Variants in ABHD17C observed in about 807,000 individuals in gnomAD.
ABHD17C encodes alpha/beta hydrolase domain-containing protein 17C.
In ABHD17C, 11 loss-of-function variants were observed where a neutral mutation model predicts 27.9. The ratio of observed to expected loss-of-function variants is 0.39; its 90% CI spans 0.25 to 0.65. The LOEUF (loss-of-function observed/expected upper bound fraction) is 0.65. Among genes scored for constraint, ABHD17C ranks in the 30% least tolerant of loss-of-function variants. The probability of loss-of-function intolerance (pLI) is 0.45; values close to 1 mark genes in which losing one functional copy is unlikely to be tolerated. For missense variants in ABHD17C, 280 were observed against 470.2 expected, an observed-to-expected ratio of 0.60 and a Z score of 3.74; for synonymous variants, 233 against 209.1, an observed-to-expected ratio of 1.11 and a Z score of -0.98.
At chr15:80,707,562 G>GCC (rs35340795) in intron 1 of ABHD17C, among the ~76,000 whole-genome samples, 18 of 150,874 alleles carry the variant, frequency 1.2e-4, no homozygotes, top group South Asian at 2.1e-4. Flanking sequence ...TAGCTGATGA[G>GCC]CCCCCCCTCA....
At chr15:80,750,294 C>T (rs1425640046) in intron 2 of ABHD17C, among the ~76,000 whole-genome samples, 1 of 152,120 alleles carries the variant, frequency 6.6e-6, no homozygotes, top group African/African-American at 2.4e-5. Flanking sequence ...ACTCACCTGC[C>T]ACCCCCTATT....
At chr15:80,751,441 A>G (rs531611287) in intron 2 of ABHD17C, among the ~76,000 whole-genome samples, 4 of 152,304 alleles carry the variant, frequency 2.6e-5, no homozygotes, top group South Asian at 4.1e-4. Context: ...AATTTATTGA[A>G]TTAAGGTCGG....
chr15:80,736,251 C>T (rs1484037200), intron 1 of ABHD17C, among the ~76,000 whole-genome samples: 1 of 152,154 alleles, frequency 6.6e-6, no homozygotes, highest in Non-Finnish European at 1.5e-5. Context: ...AAAAAATTTT[C>T]CAAATCTACA....
intron 1 of ABHD17C, among the ~76,000 whole-genome samples, chr15:80,725,187 G>A (rs1426721696): frequency 3.9e-5 from 6 of 152,254 alleles, no homozygotes; most frequent in Admixed American, 2.0e-4. Context: ...ATATAACAAC[G>A]AATACAACCT....
chr15:80,731,514 G>T (rs1347412836), intron 1 of ABHD17C, among the ~76,000 whole-genome samples: 2 of 151,094 alleles, frequency 1.3e-5, no homozygotes, highest in Non-Finnish European at 3.0e-5. Flanking sequence ...TCCCAGGTTT[G>T]TCATTGCCAC....
At chr15:80,715,846 T>C (rs1002629899) in intron 1 of ABHD17C, among the ~76,000 whole-genome samples, 6 of 152,214 alleles carry the variant, frequency 3.9e-5, no homozygotes, top group African/African-American at 1.2e-4. Flanking sequence ...ATTCGCTTTG[T>C]AATGCTTTTG....
chr15:80,739,420 C>T (rs1030697155), intron 1 of ABHD17C, among the ~76,000 whole-genome samples: 4 of 152,148 alleles, frequency 2.6e-5, no homozygotes, highest in African/African-American at 4.8e-5. Flanking sequence ...TATTTGTCTC[C>T]TCCAAATCTC....
intron 1 of ABHD17C, among the ~76,000 whole-genome samples, chr15:80,711,498 A>G (rs1894728311): frequency 6.6e-6 from 1 of 152,308 alleles, no homozygotes; most frequent in African/African-American, 2.4e-5. Flanking sequence ...CAGTTTTGCC[A>G]GAGGTCTTGT....
intron 1 of ABHD17C, among the ~76,000 whole-genome samples, chr15:80,740,558 A>G (rs539761325): frequency 6.6e-6 from 1 of 152,270 alleles, no homozygotes; most frequent in South Asian, 2.1e-4. Flanking sequence ...AGGGCTGAAG[A>G]TGATGGACTG....
At chr15:80,751,685 T>C (rs556775515) in intron 2 of ABHD17C, among the ~76,000 whole-genome samples, 1 of 152,138 alleles carries the variant, frequency 6.6e-6, no homozygotes, top group Admixed American at 6.6e-5. Context: ...CTTTATCTCT[T>C]TGAGGTGGCA....
chr15:80,729,700 G>A (rs144703852), intron 1 of ABHD17C, among the ~76,000 whole-genome samples: 143 of 152,250 alleles, frequency 9.4e-4, no homozygotes, highest in African/African-American at 3.3e-3. Flanking sequence ...AATAATGCAG[G>A]AGCATACTAG....
intron 1 of ABHD17C, among the ~76,000 whole-genome samples, chr15:80,715,476 ATAG>A (rs999552826): frequency 6.6e-6 from 1 of 152,216 alleles, no homozygotes; most frequent in African/African-American, 2.4e-5. Context: ...AATTGTGAAT[ATAG>A]TAGGATTGTT....
intron 1 of ABHD17C, among the ~76,000 whole-genome samples, chr15:80,727,359 G>A (rs1894996082): frequency 6.6e-6 from 1 of 152,152 alleles, no homozygotes; most frequent in African/African-American, 2.4e-5. Flanking sequence ...CTATCTGGTT[G>A]TTTGGCAGGT....
In ABHD17C at chr15:80,720,641, C is replaced by T. The variant is rs1004021606; in HGVS notation, c.590+24622C>T. On this transcript the variant is annotated intron_variant, in intron 1 of 2. Transcript: ENST00000258884. Reference sequence around the variant, plus strand: ...GTCTTTTAAAAATGATTATTAATGGCCGGACGCAGTGGCTCATGCCTGTAA... The same window carrying T: ...GTCTTTTAAAAATGATTATTAATGGTCGGACGCAGTGGCTCATGCCTGTAA... 3.3e-5 allele frequency among the ~76,000 whole-genome samples: 5 copies of T among 152,048 alleles called. 1 individual carries two copies. The highest frequency in any genetic ancestry group is 1.2e-4 in the African/African-American group (5 of 41,400).
chr15:80,695,965 C>A lies in ABHD17C; in HGVS notation c.536C>A (p.Ser179Tyr), dbSNP rs1176399599. 6.3e-7 allele frequency: 1 copy of A among 1,592,888 alleles called. No homozygotes were observed. The highest frequency in any genetic ancestry group is 1.7e-5 in the Admixed American group (1 of 59,070). ...SGYGVSSGKP[S>Y]EKNLYADIDA... is the part of the protein sequence containing the mutation. ...TACGGCGTCAGCTCGGGCAAGCCCT[C>A]CGAGAAGAACCTCTACGCCGACATC... The change falls in exon 1 of 3, where the codon TCC becomes TAC. Residue 179 changes from serine (S) to tyrosine (Y), a missense_variant. Coordinates refer to ENST00000258884, the MANE Select transcript of ABHD17C (RefSeq NM_021214.2). The surrounding 1 kb of genome is among the most constrained non-coding windows in gnomAD (Gnocchi z 4.3).
chr15:80,746,559 A>G (rs1416226534), intron 1 of ABHD17C, among the ~76,000 whole-genome samples: 1 of 152,122 alleles, frequency 6.6e-6, no homozygotes, highest in African/African-American at 2.4e-5. Context: ...GGCTTTGTAG[A>G]CACTGGTACT....
At chr15:80,711,110 A>T (rs1894722832) in intron 1 of ABHD17C, among the ~76,000 whole-genome samples, 1 of 152,162 alleles carries the variant, frequency 6.6e-6, no homozygotes, top group South Asian at 2.1e-4. Context: ...AACCTGAAAG[A>T]ATTGGCAGTT....
At chr15:80,723,803 C>T (rs1181885218) in intron 1 of ABHD17C, among the ~76,000 whole-genome samples, 1 of 151,086 alleles carries the variant, frequency 6.6e-6, no homozygotes, top group African/African-American at 2.4e-5. Context: ...TCTAATCCGA[C>T]CAACCGCTGT....
intron 1 of ABHD17C, among the ~76,000 whole-genome samples, chr15:80,732,842 A>G (rs532576013): frequency 1.3e-5 from 2 of 152,310 alleles, no homozygotes; most frequent in South Asian, 2.1e-4. Context: ...AGCTGATGGA[A>G]TAAGTGGGCC....
Sources: allele counts gnomAD v4.1 joint callset (sites outside exome capture counted in the v4.1 genomes callset), GRCh38; gene constraint gnomAD v4.1.1; non-coding constraint Gnocchi (gnomAD v3.1); transcripts MANE v1.5; gene names NCBI Gene and HGNC (gene_info 2026-07-23, HGNC 2026-07-21).